The following PRKG1 variants were observed in gnomAD, a reference collection of about 807,000 sequenced individuals.
The protein encoded by PRKG1 is cGMP-dependent protein kinase 1.
In PRKG1, 35 loss-of-function variants were observed where a neutral mutation model predicts 88.1. That is an observed-to-expected ratio of 0.40 (90% CI 0.30 to 0.53). The LOEUF (loss-of-function observed/expected upper bound fraction) is 0.53. Among genes scored for constraint, PRKG1 ranks in the 20% least tolerant of loss-of-function variants. PRKG1 has a pLI of 0.59. For synonymous variants in PRKG1, 303 were observed against 292.5 expected (o/e 1.04, Z -0.37); for missense variants, 540 against 839.8 (o/e 0.64, Z 4.41).
chr10:51,812,492 T>C (rs888845454), intron 4 of PRKG1, among the ~76,000 whole-genome samples: 3 of 152,174 alleles, frequency 2.0e-5, no homozygotes, highest in African/African-American at 7.2e-5. Flanking sequence ...TCTCATCGAT[T>C]TGCTAAGTGT....
At chr10:52,063,348 G>GGCTA (rs1204489652) in intron 7 of PRKG1, among the ~76,000 whole-genome samples, 1 of 152,178 alleles carries the variant, frequency 6.6e-6, no homozygotes, top group African/African-American at 2.4e-5. Context: ...CAGCTTCCCC[G>GGCTA]GCTAGCATCA....
At chr10:52,127,835 C>T (rs1285635564) in intron 7 of PRKG1, among the ~76,000 whole-genome samples, 1 of 152,122 alleles carries the variant, frequency 6.6e-6, no homozygotes, top group Non-Finnish European at 1.5e-5. Context: ...AGGCATAAAT[C>T]ATGGTGGAAG....
chr10:51,436,572 G>T (rs1469235858), intron 2 of PRKG1, among the ~76,000 whole-genome samples: 3 of 151,934 alleles, frequency 2.0e-5, no homozygotes, highest in South Asian at 4.1e-4. Context: ...CTGAAAAATG[G>T]CTCCTAATGA....
chr10:52,098,029 T>A (rs1847212737), intron 7 of PRKG1, among the ~76,000 whole-genome samples: 1 of 152,122 alleles, frequency 6.6e-6, no homozygotes, highest in Admixed American at 6.5e-5. Context: ...ATAAAATACA[T>A]AAATTTTGGT....
intron 2 of PRKG1, among the ~76,000 whole-genome samples, chr10:51,204,302 G>A (rs369924146): frequency 6.6e-6 from 1 of 152,068 alleles, no homozygotes. Flanking sequence ...AAGATGAAAA[G>A]TGACCTCCTC....
chr10:51,285,281 T>C (rs1463385440), intron 2 of PRKG1, among the ~76,000 whole-genome samples: 1 of 152,144 alleles, frequency 6.6e-6, no homozygotes, highest in African/African-American at 2.4e-5. Flanking sequence ...TTTCAATAAA[T>C]GTTTTCCCTA....
At chr10:51,302,523 A>G (rs145902315) in intron 2 of PRKG1, 1 of 149,658 alleles carries the variant, frequency 6.7e-6, no homozygotes, top group Admixed American at 6.8e-5. Context: ...TCAGGCCAAT[A>G]TTTTTAAATG....
chr10:51,261,729 G>A (rs1439877441), intron 2 of PRKG1, among the ~76,000 whole-genome samples: 2 of 84,182 alleles, frequency 2.4e-5, no homozygotes, highest in African/African-American at 4.9e-5. Context: ...CAGAGGTTTC[G>A]AACAAATGTC....
chr10:51,870,335 A>G (rs1263020231), intron 4 of PRKG1, among the ~76,000 whole-genome samples: 3 of 151,964 alleles, frequency 2.0e-5, no homozygotes, highest in East Asian at 3.9e-4. Context: ...TTGTTCCTCC[A>G]GTGTTGTCAG....
At chr10:51,667,132 ATT>A (rs1284047458) in intron 3 of PRKG1, among the ~76,000 whole-genome samples, 4 of 152,194 alleles carry the variant, frequency 2.6e-5, no homozygotes, top group Non-Finnish European at 4.4e-5. Context: ...ACTCCAAAAT[ATT>A]GTTAATTATA....
chr10:51,246,047 T>C (rs1839280847), intron 2 of PRKG1, among the ~76,000 whole-genome samples: 1 of 152,076 alleles, frequency 6.6e-6, no homozygotes, highest in Admixed American at 6.6e-5. Flanking sequence ...ATTGTATTAT[T>C]AGGCTATAGA....
intron 5 of PRKG1, among the ~76,000 whole-genome samples, chr10:51,992,989 T>C (rs989600741): frequency 6.6e-6 from 1 of 152,202 alleles, no homozygotes. Context: ...GCTTAGTGCT[T>C]TCTTCTTACT....
intron 2 of PRKG1, among the ~76,000 whole-genome samples, chr10:51,447,059 A>T (rs1564499721): frequency 6.6e-6 from 1 of 152,030 alleles, no homozygotes; most frequent in Non-Finnish European, 1.5e-5. Context: ...GTAATGTAGC[A>T]CATATACTGT....
intron 5 of PRKG1, among the ~76,000 whole-genome samples, chr10:51,995,130 A>G (rs565050285): frequency 6.6e-6 from 1 of 152,266 alleles, no homozygotes; most frequent in Admixed American, 6.5e-5. Flanking sequence ...TTCAAAGCCA[A>G]TTCTTTTGGC....
chr10:51,205,622 G>A (rs1483684319), intron 2 of PRKG1, among the ~76,000 whole-genome samples: 2 of 151,924 alleles, frequency 1.3e-5, no homozygotes, highest in African/African-American at 4.8e-5. Flanking sequence ...TGCCACCTCT[G>A]CCTCCAGGGT....
chr10:51,598,806 GT>G (rs929584266), intron 3 of PRKG1, among the ~76,000 whole-genome samples: 6 of 151,974 alleles, frequency 3.9e-5, no homozygotes, highest in Non-Finnish European at 8.8e-5. Flanking sequence ...AGATGGTATA[GT>G]TTTTTTTCCA....
intron 3 of PRKG1, among the ~76,000 whole-genome samples, chr10:51,719,151 A>G (rs1200092853): frequency 1.6e-5 from 2 of 121,884 alleles, no homozygotes; most frequent in East Asian, 4.0e-4. Flanking sequence ...TCCTGTCTCA[A>G]AAAAAAGAGA....
At chr10:52,161,995 A>C in intron 9 of PRKG1, 32 bp downstream of exon 9, 1 of 1,549,970 alleles carries the variant, frequency 6.5e-7, no homozygotes, top group Non-Finnish European at 8.9e-7. Flanking sequence ...TTTTGATTGC[A>C]AAATGATTTT....
At chr10:51,486,357 T>C (rs1840540741) in intron 3 of PRKG1, among the ~76,000 whole-genome samples, 1 of 152,160 alleles carries the variant, frequency 6.6e-6, no homozygotes, top group Non-Finnish European at 1.5e-5. Flanking sequence ...AGGATGACTT[T>C]TGGAGGTTAT....
Sources: allele counts gnomAD v4.1 joint callset (sites outside exome capture counted in the v4.1 genomes callset), GRCh38; gene constraint gnomAD v4.1.1; transcripts MANE v1.5; gene names NCBI Gene and HGNC (gene_info 2026-07-23, HGNC 2026-07-21).